TIAM1: variants seen among roughly 807,000 people sequenced by gnomAD.
The protein encoded by TIAM1 is TIAM Rac1 associated GEF 1, also known as rho guanine nucleotide exchange factor TIAM1.
Under a neutral mutation model 163.5 loss-of-function variants are expected in TIAM1, and 65 were observed. That is an observed-to-expected ratio of 0.40 (90% CI 0.33 to 0.49). The LOEUF is 0.49. TIAM1 is among the 20% of genes least tolerant of loss of function. The pLI, the probability that TIAM1 is intolerant of heterozygous loss-of-function variation, is 0.77. For missense variants in TIAM1, 1,789 were observed against 2,044.7 expected, an observed-to-expected ratio of 0.87 and a Z score of 2.41; for synonymous variants, 833 against 810.1, an observed-to-expected ratio of 1.03 and a Z score of -0.48.
At chr21:31,183,934 AT>A (rs1568985984) in intron 14 of TIAM1, among the ~76,000 whole-genome samples, 2 of 146,198 alleles carry the variant, frequency 1.4e-5, no homozygotes, top group Non-Finnish European at 3.0e-5. Flanking sequence ...GGTGATCCAA[AT>A]TTTTTAAAAT....
Position 31,120,883 on chromosome 21 carries a change from T to G in TIAM1, c.4307-46A>C. The G allele has an allele frequency of 6.6e-7, 1 of 1,508,226 alleles. No homozygotes were observed. The highest frequency in any genetic ancestry group is 8.9e-7 in the Non-Finnish European group (1 of 1,129,378). The allele number at this position is 1,508,226 out of a possible 1,614,324, so 93.4% of individuals were successfully genotyped here. ...ATAAAAATAAAACCCCCACATGCTT[T>G]ACGTGAGATGAAAATCCAGAAAGCA... On this transcript the variant is annotated intron_variant, in intron 27 of 27. Coordinates refer to ENST00000541036, the MANE Select transcript of TIAM1 (RefSeq NM_001353694.2). The surrounding 1 kb of genome is among the most constrained non-coding windows in gnomAD (Gnocchi z 4.2).
At chr21:31,179,359 C>T (rs898592787) in intron 15 of TIAM1, among the ~76,000 whole-genome samples, 1 of 151,554 alleles carries the variant, frequency 6.6e-6, no homozygotes, top group Non-Finnish European at 1.5e-5. Flanking sequence ...TGCACTCCAG[C>T]CTGGGCAACA....
chr21:31,439,686 C>T (rs2044350608), intron 2 of TIAM1, among the ~76,000 whole-genome samples: 1 of 152,158 alleles, frequency 6.6e-6, no homozygotes, highest in Non-Finnish European at 1.5e-5. Context: ...GTATAAGCTT[C>T]CTATTCTATC....
At chr21:31,356,060 C>T (rs767585861) in intron 2 of TIAM1, among the ~76,000 whole-genome samples, 14 of 152,020 alleles carry the variant, frequency 9.2e-5, no homozygotes, top group Non-Finnish European at 1.9e-4. Flanking sequence ...TTCATTACCC[C>T]GAGATGATAA....
At chr21:31,533,035 C>T (rs1249095112) in intron 1 of TIAM1, among the ~76,000 whole-genome samples, 1 of 152,184 alleles carries the variant, frequency 6.6e-6, no homozygotes, top group Non-Finnish European at 1.5e-5. Context: ...AATTTTCAGG[C>T]CAGGCGTATC....
rs368067361 is a variant in TIAM1, at chr21:31,135,917, C to T, written c.3883+16G>A. On this transcript the variant is annotated intron_variant, in intron 23 of 27. Transcript: ENST00000541036. The stretch of plus-strand genomic sequence containing the variant: ...TAGACTTTTCCCCCTCCATAAAACG[C>T]TTTTCTGATACACACCGAATGCTGC... The T allele has an allele frequency of 1.9e-6, 3 of 1,612,848 alleles. No individual in the cohort carries two copies. Among genetic ancestry groups the T allele is most frequent in the African/African-American group, 2.7e-5 (2 of 74,918 alleles).
chr21:31,118,785 A>G lies in TIAM1; in HGVS notation c.*1583T>C, dbSNP rs1452300154. On this transcript the variant is annotated 3_prime_UTR_variant, in exon 28 of 28. Transcript: ENST00000541036. Reference sequence around the variant, plus strand: ...AGATATAGCAAAAATTTAATAGAATAAAACTTTCAAAAGATCAAGCTCGAA... The same window carrying G: ...AGATATAGCAAAAATTTAATAGAATGAAACTTTCAAAAGATCAAGCTCGAA... 8.0e-6 allele frequency: 3 copies of G among 373,948 alleles called. No individual in the cohort carries two copies. Among genetic ancestry groups the G allele is most frequent in the African/African-American group, 6.4e-5 (3 of 46,704 alleles). 23.2% of individuals were successfully genotyped at this position (373,948 alleles called of 1,614,324 possible).
At chr21:31,427,380 G>A (rs111523957) in intron 2 of TIAM1, among the ~76,000 whole-genome samples, 5,964 of 151,954 alleles carry the variant, frequency 0.039, 380 homozygotes, top group African/African-American at 0.13. Flanking sequence ...CCAGCTACTC[G>A]GGAGGCTGAG....
At chr21:31,215,829 C>T (rs901493749) in intron 9 of TIAM1, among the ~76,000 whole-genome samples, 2 of 152,076 alleles carry the variant, frequency 1.3e-5, no homozygotes, top group African/African-American at 2.4e-5. Context: ...ATCTGCTCTC[C>T]GCAGGTTCCA....
In TIAM1 at chr21:31,395,075, C is replaced by G. The variant is rs868020139; in HGVS notation, c.-368-55653G>C. On this transcript the variant is annotated intron_variant, in intron 2 of 28. Coordinates refer to the TIAM1 transcript ENST00000286827. The surrounding 1 kb of genome is among the most constrained non-coding windows in gnomAD (Gnocchi z 7.5). ...CAACACAGTGAAACCCCGTATCTAC[C>G]AAAAATACAAACATTAGCCAGGCAT... Among the ~76,000 whole-genome samples, 36 of 152,000 alleles carry G rather than the reference C, an allele frequency of 2.4e-4. No homozygotes were observed. The highest frequency in any genetic ancestry group is 3.4e-3 in the Middle Eastern group (1 of 294).
chr21:31,280,871 T>G, intron 2 of TIAM1, among the ~76,000 whole-genome samples: 1 of 151,426 alleles, frequency 6.6e-6, no homozygotes, highest in East Asian at 2.0e-4. Flanking sequence ...CCATAGTGCT[T>G]TGGGAGGTTG....
chr21:31,135,146 C>T (rs953825664), intron 23 of TIAM1, among the ~76,000 whole-genome samples: 8 of 152,084 alleles, frequency 5.3e-5, no homozygotes, highest in Admixed American at 6.5e-5. Context: ...TAGGACAAAA[C>T]GCAACCTAAA....
At chr21:31,457,277 G>A (rs930341303) in intron 2 of TIAM1, among the ~76,000 whole-genome samples, 4 of 152,092 alleles carry the variant, frequency 2.6e-5, no homozygotes, top group Admixed American at 6.6e-5. Flanking sequence ...ACACCCAGAC[G>A]GTCATTGCTC....
chr21:31,558,216 G>C (rs989695598), intron 1 of TIAM1, among the ~76,000 whole-genome samples: 2 of 152,174 alleles, frequency 1.3e-5, no homozygotes, highest in African/African-American at 4.8e-5. Context: ...TGGTGAGAGG[G>C]CGAGGCGGGG....
chr21:31,130,324 G>A lies in TIAM1; in HGVS notation c.3943-9C>T. 2 of 1,609,152 alleles carry A rather than the reference G, an allele frequency of 1.2e-6. No homozygotes were observed. The highest frequency in any genetic ancestry group is 1.1e-5 in the South Asian group (1 of 90,976). On this transcript the variant is annotated splice_polypyrimidine_tract_variant and intron_variant, in intron 24 of 27. Transcript: ENST00000541036. ...AGCCTGTGAGATCCTACCTGCAGAG[G>A]AGAAGGAACCAGCTGCATAAGAAGA...
chr21:31,330,657 C>G (rs911187291), intron 2 of TIAM1, among the ~76,000 whole-genome samples: 2 of 152,130 alleles, frequency 1.3e-5, no homozygotes, highest in African/African-American at 4.8e-5. Flanking sequence ...AGGCTGGTCT[C>G]GAACTCCTGA....
At chr21:31,508,295 C>T (rs185423359) in intron 1 of TIAM1, among the ~76,000 whole-genome samples, 11 of 152,020 alleles carry the variant, frequency 7.2e-5, no homozygotes, top group Admixed American at 1.3e-4. Flanking sequence ...CAGGGTGGAA[C>T]GTAGTCCTAG....
At position 31,213,430 on chromosome 21, in the gene TIAM1, C is replaced by T; in HGVS notation, c.2185G>A (p.Gly729Arg). The T allele has an allele frequency of 6.2e-7, 1 of 1,611,750 alleles. No individual in the cohort carries two copies. ...TCTGGAACAATGTCATCAAATATTC[C>T]CTCTAAAGATTTCTTTACAGCTTCG... ...GTEAVKKSLE[G>R]IFDDIVPDGK... Residue 729 changes from glycine (G) to arginine (R), a missense_variant, in exon 10 of 28, where the codon GGA becomes AGA. By Grantham distance (125) the Gly-to-Arg change is moderately radical. This residue lies in a region of TIAM1 where 456 missense variants were observed against 586.6 expected (regional missense o/e 0.78). Transcript: ENST00000541036.
chr21:31,294,070 T>G (rs2074134899), intron 2 of TIAM1, among the ~76,000 whole-genome samples: 1 of 152,182 alleles, frequency 6.6e-6, no homozygotes, highest in Admixed American at 6.5e-5. Context: ...AAGCCAAGAC[T>G]TCAAGCACAC....
Sources: allele counts gnomAD v4.1 joint callset (sites outside exome capture counted in the v4.1 genomes callset), GRCh38; gene constraint gnomAD v4.1.1; regional missense constraint gnomAD v4.1.1; non-coding constraint Gnocchi (gnomAD v3.1); transcripts MANE v1.5; gene names NCBI Gene and HGNC (gene_info 2026-07-23, HGNC 2026-07-21).